PARP10: variants seen among roughly 807,000 people sequenced by gnomAD.
PARP10 encodes the protein protein mono-ADP-ribosyltransferase PARP10.
In PARP10, 56 loss-of-function variants were observed where a neutral mutation model predicts 82.4. That is an observed-to-expected ratio of 0.68 (90% confidence interval 0.55 to 0.85). The LOEUF is 0.85. Ranked by LOEUF, PARP10 falls within the 40% of genes least tolerant of loss-of-function variation. The probability of loss-of-function intolerance (pLI) is 0.00; values close to 1 mark genes in which losing one functional copy is unlikely to be tolerated. For synonymous variants in PARP10, 576 were observed against 601.1 expected, an observed-to-expected ratio of 0.96 and a Z score of 0.61; for missense variants, 1,227 against 1,379.4, an observed-to-expected ratio of 0.89 and a Z score of 1.75.
At chr8:144,000,849 C>T (rs1834196427) in intron 1 of PARP10, among the ~76,000 whole-genome samples, 1 of 151,862 alleles carries the variant, frequency 6.6e-6, no homozygotes, top group Non-Finnish European at 1.5e-5. Flanking sequence ...GAGTTTGAGA[C>T]CAGTCTGGGC....
Position 143,985,928 on chromosome 8 carries a change from G to A in PARP10, c.229C>T (p.Gln77Ter). 2 of 1,580,394 alleles carry A rather than the reference G, an allele frequency of 1.3e-6. 1 individual carries two copies. The highest frequency in any genetic ancestry group is 3.5e-5 in the Admixed American group (2 of 57,572). ...AQADHELHGA[Q>*]LSLRPAPPRA... ...GGTGGAGCTGGCCGCAGGCTCAGCT[G>A]GGCACCATGTAGTTCGTGATCTGCC... is the stretch of plus-strand genomic sequence containing the variant. Residue 77 changes from glutamine (Q) to a stop codon, truncating the protein, a stop_gained, in exon 3 of 11, where the codon CAG becomes TAG. Coordinates refer to ENST00000313028, the MANE Select transcript of PARP10 (RefSeq NM_032789.5). LOFTEE classifies it high-confidence loss of function.
chr8:144,004,286 TCC>T (rs1262270799), intron 1 of PARP10, among the ~76,000 whole-genome samples: 5 of 151,756 alleles, frequency 3.3e-5, no homozygotes, highest in African/African-American at 1.2e-4. Context: ...CTGCATGGTG[TCC>T]CCCTTAAGTC....
exon 1 of PARP10, chr8:144,012,561 A>G: frequency 1.3e-6 from 2 of 1,551,724 alleles, no homozygotes; most frequent in Non-Finnish European, 1.7e-6. Flanking sequence ...TCAGATAGAG[A>G]GGCTGGTGCG....
chr8:144,012,445 G>A, intron 1 of PARP10: 1 of 1,394,106 alleles, frequency 7.2e-7, no homozygotes, highest in Admixed American at 2.0e-5. Flanking sequence ...CCCAGGCAAG[G>A]CCTGGGGCCC....
upstream of PARP10, chr8:143,991,649 A>T: frequency 6.3e-7 from 1 of 1,585,440 alleles, no homozygotes; most frequent in Non-Finnish European, 8.7e-7. Context: ...GGGCAGGGGG[A>T]GGTGCTTGTG....
At chr8:143,978,190 G>A (rs1833755946) in intron 9 of PARP10, 109 bp from the exon 10 acceptor site, 1 of 1,255,460 alleles carries the variant, frequency 8.0e-7, no homozygotes, top group Non-Finnish European at 1.1e-6. Flanking sequence ...GGAGTCCAGG[G>A]TTTGAGGGAG....
chr8:143,979,279 G>A (rs1409425423), intron 9 of PARP10, among the ~76,000 whole-genome samples: 6 of 152,124 alleles, frequency 3.9e-5, no homozygotes. Flanking sequence ...GGCCAACCCT[G>A]CAAGTTTACA....
intron 1 of PARP10, among the ~76,000 whole-genome samples, chr8:144,002,924 T>C (rs1554751790): frequency 1.3e-5 from 2 of 152,054 alleles, no homozygotes; most frequent in Non-Finnish European, 2.9e-5. Context: ...AACAAATTAA[T>C]TAAATTGAGA....
Position 144,011,118 on chromosome 8 carries a change from A to C in PARP10, c.-80+1412T>G, listed in dbSNP as rs1834278604. 6.6e-6 allele frequency among the ~76,000 whole-genome samples: 1 copy of C among 152,004 alleles called. No homozygotes were observed. The highest frequency in any genetic ancestry group is 1.5e-5 in the Non-Finnish European group (1 of 68,002). On this transcript the variant is annotated intron_variant, in intron 1 of 3. Coordinates refer to the PARP10 transcript ENST00000530478. The surrounding 1 kb of genome is among the most constrained non-coding windows in gnomAD (Gnocchi z 4.5). Reference sequence around the variant, plus strand: ...GGCTAGATTTTGACCAAACACCTGGACACTATAGCCTCACAAAATTGACAC... The same window carrying C: ...GGCTAGATTTTGACCAAACACCTGGCCACTATAGCCTCACAAAATTGACAC...
At chr8:143,999,141 A>C (rs1354731557) in intron 1 of PARP10, among the ~76,000 whole-genome samples, 4 of 151,886 alleles carry the variant, frequency 2.6e-5, no homozygotes, top group African/African-American at 9.7e-5. Context: ...TCTTGGACTC[A>C]AGATCCTTCC....
chr8:143,984,205 T>C lies in PARP10; in HGVS notation c.1680+5A>G. On this transcript the variant is annotated splice_donor_5th_base_variant and intron_variant, in intron 6 of 10. Transcript: ENST00000313028. ...GGGAGGGCAGGGGTGGGACTCCATCTCTACCTCTTCAAGGCCTGTGTCCAA... is the reference window on the plus strand; with the variant it reads ...GGGAGGGCAGGGGTGGGACTCCATCCCTACCTCTTCAAGGCCTGTGTCCAA... The C allele has an allele frequency of 6.2e-7, 1 of 1,611,338 alleles. No individual in the cohort carries two copies. Among genetic ancestry groups the C allele is most frequent in the Non-Finnish European group, 8.5e-7 (1 of 1,177,852 alleles).
chr8:144,000,965 G>C (rs1451824892), intron 1 of PARP10, among the ~76,000 whole-genome samples: 1 of 143,972 alleles, frequency 6.9e-6, no homozygotes, highest in Non-Finnish European at 1.5e-5. Context: ...CCAGGCTGGA[G>C]TGCAGTGGCG....
chr8:143,977,375 A>C lies in PARP10; in HGVS notation c.*109T>G. 1 of 1,067,640 alleles carries C rather than the reference A, an allele frequency of 9.4e-7. No individual in the cohort carries two copies. The highest frequency in any genetic ancestry group is 1.3e-6 in the Non-Finnish European group (1 of 763,682). 66.1% of individuals were successfully genotyped at this position (1,067,640 alleles called of 1,614,324 possible). On this transcript the variant is annotated 3_prime_UTR_variant, in exon 11 of 11. Coordinates refer to ENST00000313028, the MANE Select transcript of PARP10 (RefSeq NM_032789.5). ...CCTTCTGGAGCCCGCAGAGGGAGGCAGGGGCGTCCCCGGGGACAGCTCAGG... is the reference window on the plus strand; with the variant it reads ...CCTTCTGGAGCCCGCAGAGGGAGGCCGGGGCGTCCCCGGGGACAGCTCAGG...
At chr8:143,982,847 A>G (rs1554748028) in intron 9 of PARP10, 85 bp downstream of exon 9, 4 of 1,556,988 alleles carry the variant, frequency 2.6e-6, no homozygotes, top group Non-Finnish European at 3.5e-6. Flanking sequence ...TGTAGGCGAG[A>G]GGGACAGGCC....
Position 143,985,107 on chromosome 8 carries a change from C to T in PARP10, c.895G>A (p.Glu299Lys), listed in dbSNP as rs200281017. The T allele has an allele frequency of 1.3e-5, 21 of 1,613,952 alleles. No individual in the cohort carries two copies. The highest frequency in any genetic ancestry group is 1.2e-4 in the African/African-American group (9 of 75,010). Residue 299 changes from glutamate (E) to lysine (K), a missense_variant, in exon 5 of 11, where the codon GAG (glutamate) becomes AAG (lysine). By Grantham distance (56) the Glu-to-Lys change is moderately conservative. Coordinates refer to ENST00000313028, the MANE Select transcript of PARP10 (RefSeq NM_032789.5). The part of the protein sequence containing the change: ...GAGTVTMGSG[E>K]EPGQSGASLR... Reference sequence around the variant, plus strand: ...GAGGCCCCTGACTGCCCTGGTTCCTCGCCAGAGCCCATTGTCACAGTCCCT... The same window carrying T: ...GAGGCCCCTGACTGCCCTGGTTCCTTGCCAGAGCCCATTGTCACAGTCCCT...
At chr8:143,982,740 C>CA in intron 9 of PARP10, among the ~76,000 whole-genome samples, 192 bp downstream of exon 9, 1 of 152,244 alleles carries the variant, frequency 6.6e-6, no homozygotes, top group East Asian at 1.9e-4. Flanking sequence ...CCAAGGCCCC[C>CA]ACTCTGTTCC....
upstream of PARP10, among the ~76,000 whole-genome samples, chr8:143,995,104 A>C (rs144646662): frequency 0.01 from 1,566 of 152,244 alleles, 95 homozygotes; most frequent in Admixed American, 0.095. Context: ...GGTGTGGGAC[A>C]GGGCCAGGGG....
intron 1 of PARP10, among the ~76,000 whole-genome samples, chr8:144,006,942 C>T (rs999132737): frequency 1.3e-5 from 2 of 152,226 alleles, no homozygotes; most frequent in Non-Finnish European, 2.9e-5. Context: ...CACACACCTC[C>T]AGCAAGCCTT....
Position 143,982,932 on chromosome 8 carries a change from A to G in PARP10, c.2556T>C (p.Arg852=). ...DAARSSIRVV[R]VERVSHPLLQ... is the part of the protein sequence containing the mutation. ...CCAGAGAGACAGGGCATGGACTCAC[A>G]CGAACGACGCGGATGCTGCTGCGGG... Residue 852 remains arginine (R), a splice_region_variant and synonymous_variant, in exon 9 of 11, where the codon CGT becomes CGC. Coordinates refer to ENST00000313028, the MANE Select transcript of PARP10 (RefSeq NM_032789.5). The G allele has an allele frequency of 6.2e-7, 1 of 1,613,552 alleles. No individual in the cohort carries two copies. Among genetic ancestry groups the G allele is most frequent in the Non-Finnish European group, 8.5e-7 (1 of 1,179,970 alleles).
Sources: allele counts gnomAD v4.1 joint callset (sites outside exome capture counted in the v4.1 genomes callset), GRCh38; gene constraint gnomAD v4.1.1; non-coding constraint Gnocchi (gnomAD v3.1); transcripts MANE v1.5; gene names NCBI Gene and HGNC (gene_info 2026-07-23, HGNC 2026-07-21).